The following LRRC20 variants were observed in gnomAD, a reference collection of about 807,000 sequenced individuals.
LRRC20 encodes leucine rich repeat containing 20.
LRRC20 carries 11 observed loss-of-function variants against 14.4 expected under a neutral mutation model. The observed-to-expected ratio is 0.77, with a 90% CI of 0.48 to 1.27. LRRC20 has a LOEUF of 1.27. Among genes scored for constraint, LRRC20 ranks in the 50% most tolerant of loss-of-function variants. The pLI, the probability that LRRC20 is intolerant of heterozygous loss-of-function variation, is 0.00. For missense variants in LRRC20, 219 were observed against 251.2 expected, an observed-to-expected ratio of 0.87 and a Z score of 0.87; for synonymous variants, 121 against 107.3, an observed-to-expected ratio of 1.13 and a Z score of -0.79.
chr10:70,313,573 T>C (rs552472548), intron 4 of LRRC20, among the ~76,000 whole-genome samples: 2 of 152,334 alleles, frequency 1.3e-5, no homozygotes, highest in African/African-American at 2.4e-5. Flanking sequence ...CCTTGATGAT[T>C]CTTGAGCATA....
intron 4 of LRRC20, among the ~76,000 whole-genome samples, chr10:70,304,173 G>A (rs141713428): frequency 1.9e-3 from 287 of 152,024 alleles, no homozygotes; most frequent in African/African-American, 6.6e-3. Context: ...CTGAGGCTCT[G>A]GCTGCATCCG....
intron 4 of LRRC20, among the ~76,000 whole-genome samples, chr10:70,305,280 C>T (rs1350530790): frequency 1.3e-5 from 2 of 152,186 alleles, no homozygotes; most frequent in Non-Finnish European, 1.5e-5. Context: ...GGGTTGTTCC[C>T]ATCGCTTGGC....
intron 2 of LRRC20, among the ~76,000 whole-genome samples, chr10:70,369,732 G>A (rs1844190896): frequency 6.6e-6 from 1 of 151,794 alleles, no homozygotes; most frequent in South Asian, 2.1e-4. Context: ...GGTTGTCATG[G>A]GGAATTAAAT....
intron 1 of LRRC20, among the ~76,000 whole-genome samples, chr10:70,376,956 C>T (rs111294370): frequency 1.4e-4 from 21 of 152,312 alleles, no homozygotes; most frequent in African/African-American, 2.4e-4. Flanking sequence ...GGAGGTAGGG[C>T]GCAGCCAACT....
chr10:70,314,240 A>C (rs1156291802), intron 4 of LRRC20, among the ~76,000 whole-genome samples: 2 of 152,174 alleles, frequency 1.3e-5, no homozygotes, highest in African/African-American at 2.4e-5. Flanking sequence ...AACCATACCA[A>C]GAAACTGGCT....
chr10:70,378,094 T>C (rs1279324656), intron 1 of LRRC20, among the ~76,000 whole-genome samples: 1 of 152,180 alleles, frequency 6.6e-6, no homozygotes, highest in Non-Finnish European at 1.5e-5. Flanking sequence ...CCAGGACACG[T>C]AAATACTCAA....
intron 4 of LRRC20, among the ~76,000 whole-genome samples, chr10:70,303,025 G>GA (rs59254450): frequency 0.33 from 47,639 of 145,512 alleles, 7,753 homozygotes; most frequent in East Asian, 0.51. Flanking sequence ...TTTCTTAAAA[G>GA]AAAAAAAAAA....
intron 2 of LRRC20, among the ~76,000 whole-genome samples, chr10:70,342,307 CAA>C (rs530306629): frequency 3.8e-5 from 5 of 132,100 alleles, no homozygotes; most frequent in Non-Finnish European, 3.3e-5. Context: ...GAGACTATCT[CAA>C]AAAAAAAAAA....
intron 4 of LRRC20, among the ~76,000 whole-genome samples, chr10:70,322,055 G>A (rs1020698042): frequency 9.2e-5 from 14 of 152,226 alleles, no homozygotes; most frequent in African/African-American, 3.1e-4. Context: ...CACCCTTGCT[G>A]CCCACTTCGG....
intron 1 of LRRC20, among the ~76,000 whole-genome samples, chr10:70,379,865 T>C (rs934257558): frequency 6.6e-6 from 1 of 152,198 alleles, no homozygotes; most frequent in Non-Finnish European, 1.5e-5. Flanking sequence ...GGAATGAAAC[T>C]ATTCCACCTC....
At chr10:70,344,906 A>G (rs1843024072) in intron 2 of LRRC20, among the ~76,000 whole-genome samples, 1 of 152,224 alleles carries the variant, frequency 6.6e-6, no homozygotes, top group Non-Finnish European at 1.5e-5. Context: ...ATGTGAAGAT[A>G]TAACATGTCC....
intron 2 of LRRC20, among the ~76,000 whole-genome samples, chr10:70,342,223 T>C (rs1842942470): frequency 1.3e-5 from 2 of 151,772 alleles, no homozygotes; most frequent in Admixed American, 6.6e-5. Flanking sequence ...GTCATGAGAA[T>C]CGCTTCAACC....
At chr10:70,378,008 A>T (rs1169561722) in intron 1 of LRRC20, among the ~76,000 whole-genome samples, 1 of 149,148 alleles carries the variant, frequency 6.7e-6, no homozygotes, top group Non-Finnish European at 1.5e-5. Flanking sequence ...TGAATAGGAG[A>T]TCTAGTAATA....
At chr10:70,350,961 T>C (rs1441601297) in intron 2 of LRRC20, among the ~76,000 whole-genome samples, 3 of 152,272 alleles carry the variant, frequency 2.0e-5, no homozygotes, top group East Asian at 3.9e-4. Context: ...TGAGGCAGGA[T>C]TGCTTGAACC....
At position 70,331,311 on chromosome 10, in the gene LRRC20, C is replaced by T. The variant is rs1454418501; in HGVS notation, c.233-7281G>A. On this transcript the variant is annotated intron_variant, in intron 3 of 4. Coordinates refer to ENST00000446961, the MANE Select transcript of LRRC20 (RefSeq NM_001278212.2). The stretch of plus-strand genomic sequence containing the variant: ...AATCACTATGGAGTAGATGTTTCCC[C>T]ATTTCTCAGATAAGGAAACTGAGGC... Among the ~76,000 whole-genome samples, 3 of 152,238 alleles carry T rather than the reference C, an allele frequency of 2.0e-5. No individual in the cohort carries two copies. The East Asian group carries it at 5.8e-4, about 29-fold the overall frequency.
chr10:70,318,492 G>A (rs1841955516), intron 4 of LRRC20, among the ~76,000 whole-genome samples: 1 of 152,140 alleles, frequency 6.6e-6, no homozygotes, highest in East Asian at 1.9e-4. Context: ...AGTGGCTCAC[G>A]CCTGTAATCC....
At position 70,376,627 on chromosome 10, in the gene LRRC20, G is replaced by A. The variant is rs771324041; in HGVS notation, c.-63-31C>T. On this transcript the variant is annotated intron_variant, in intron 1 of 4. Transcript: ENST00000446961. ...GAAGACGCAGTGCCATGAAGTGCCC[G>A]CCTGCCAGCCAGGGGCCCACCCAGG... 27 of 1,215,002 alleles carry A rather than the reference G, an allele frequency of 2.2e-5. 1 individual carries two copies. The highest frequency in any genetic ancestry group is 6.0e-5 in the African/African-American group (4 of 67,126). 75.3% of individuals were successfully genotyped at this position (1,215,002 alleles called of 1,614,324 possible).
chr10:70,380,385 C>T (rs1465615381), intron 1 of LRRC20, among the ~76,000 whole-genome samples: 1 of 152,226 alleles, frequency 6.6e-6, no homozygotes, highest in Non-Finnish European at 1.5e-5. Flanking sequence ...ATCCTCCCTT[C>T]ACCTAAAACT....
chr10:70,306,559 T>C (rs532288535), intron 4 of LRRC20, among the ~76,000 whole-genome samples: 6 of 152,332 alleles, frequency 3.9e-5, no homozygotes, highest in Non-Finnish European at 1.5e-5. Context: ...TGCATGTCCT[T>C]CCTGGGGTAT....
Sources: allele counts gnomAD v4.1 joint callset (sites outside exome capture counted in the v4.1 genomes callset), GRCh38; gene constraint gnomAD v4.1.1; transcripts MANE v1.5; gene names NCBI Gene and HGNC (gene_info 2026-07-23, HGNC 2026-07-21).